CNTN5: variants seen among roughly 807,000 people sequenced by gnomAD.
The protein encoded by CNTN5 is contactin 5.
CNTN5 carries 77 observed loss-of-function variants against 129.1 expected under a neutral mutation model. The observed-to-expected ratio is 0.60, with a 90% CI of 0.50 to 0.72. CNTN5 has a LOEUF of 0.72. Ranked by LOEUF, CNTN5 falls within the 30% of genes least tolerant of loss-of-function variation. The pLI, the probability that CNTN5 is intolerant of heterozygous loss-of-function variation, is 0.00. For synonymous variants in CNTN5, 509 were observed against 465.6 expected (o/e 1.09, Z -1.20); for missense variants, 1,478 against 1,328.8 (o/e 1.11, Z -1.75).
chr11:99,892,336 T>C lies in CNTN5; in HGVS notation c.578-23718T>C, dbSNP rs182340959. ...GCAGAAGCTCTTTAGTTTAATTAGA[T>C]CCCGTTTGTCAATTTTGGCTTTTGT... On this transcript the variant is annotated intron_variant, in intron 6 of 24. Transcript: ENST00000524871. 7.2e-5 allele frequency among the ~76,000 whole-genome samples: 11 copies of C among 152,322 alleles called. No homozygotes were observed. The East Asian group carries it at 1.7e-3, about 24-fold the overall frequency.
intron 8 of CNTN5, among the ~76,000 whole-genome samples, chr11:99,977,732 G>A (rs1445257209): frequency 6.6e-6 from 1 of 152,118 alleles, no homozygotes; most frequent in African/African-American, 2.4e-5. Flanking sequence ...CTCTCATGAG[G>A]CCCCGCCTTC....
chr11:99,212,583 A>G (rs868834302), intron 1 of CNTN5, among the ~76,000 whole-genome samples: 8 of 152,022 alleles, frequency 5.3e-5, no homozygotes, highest in Admixed American at 1.3e-4. Context: ...CTTGTACATA[A>G]ACGGACCTCC....
chr11:99,500,129 AAAAAACAGAGGC>A (rs145340343), intron 2 of CNTN5, among the ~76,000 whole-genome samples: 38,944 of 151,250 alleles, frequency 0.26, 5,391 homozygotes, highest in East Asian at 0.43. Flanking sequence ...TTGATAATGA[AAAAAACAGAGGC>A]AAAACACACT....
intron 2 of CNTN5, among the ~76,000 whole-genome samples, chr11:99,524,781 C>T (rs959909641): frequency 6.7e-5 from 10 of 150,132 alleles, no homozygotes; most frequent in East Asian, 5.8e-4. Flanking sequence ...CCAGCCTGGG[C>T]GACAGAGCAA....
chr11:100,001,982 A>G (rs1939901871), intron 8 of CNTN5, 52 bp from the exon 9 acceptor site: 1 of 1,276,018 alleles, frequency 7.8e-7, no homozygotes, highest in Non-Finnish European at 1.1e-6. Flanking sequence ...CAGGATTAAG[A>G]AACAAATTGT....
chr11:99,601,578 A>G (rs1950312703), intron 3 of CNTN5, among the ~76,000 whole-genome samples: 1 of 152,230 alleles, frequency 6.6e-6, no homozygotes, highest in African/African-American at 2.4e-5. Context: ...ACCTCCTCAA[A>G]TTCATTATAC....
At chr11:100,093,174 C>G (rs1452577) in intron 13 of CNTN5, among the ~76,000 whole-genome samples, 14,118 of 152,124 alleles carry the variant, frequency 0.093, 839 homozygotes, top group East Asian at 0.18. Context: ...TCTGCTAGTT[C>G]AGCCCTCACA....
chr11:99,364,369 T>C (rs545889543), intron 2 of CNTN5, among the ~76,000 whole-genome samples: 4 of 152,132 alleles, frequency 2.6e-5, no homozygotes, highest in African/African-American at 7.2e-5. Flanking sequence ...TTTTGTAGCT[T>C]ATCTAACATA....
chr11:100,027,514 G>C (rs1941485501), intron 9 of CNTN5, among the ~76,000 whole-genome samples: 1 of 152,152 alleles, frequency 6.6e-6, no homozygotes. Context: ...TAAATTCTGA[G>C]CACTGGTCCT....
At chr11:99,519,636 A>T (rs1947196126) in intron 2 of CNTN5, among the ~76,000 whole-genome samples, 1 of 152,100 alleles carries the variant, frequency 6.6e-6, no homozygotes, top group African/African-American at 2.4e-5. Flanking sequence ...TTTATCATAT[A>T]TTAAAACAGT....
chr11:99,830,174 T>A (rs1591271451), intron 4 of CNTN5, among the ~76,000 whole-genome samples: 1 of 152,180 alleles, frequency 6.6e-6, no homozygotes, highest in East Asian at 1.9e-4. Context: ...ACTACAGTGC[T>A]GTTTTTGATG....
intron 20 of CNTN5, 24 bp downstream of exon 20, chr11:100,299,420 TTTTA>T: frequency 7.1e-7 from 1 of 1,415,508 alleles, no homozygotes; most frequent in Non-Finnish European, 9.8e-7. Context: ...TTCCTATTAT[TTTTA>T]TTTAACATTT....
At chr11:99,777,553 C>A (rs796911239) in intron 3 of CNTN5, among the ~76,000 whole-genome samples, 1 of 151,608 alleles carries the variant, frequency 6.6e-6, no homozygotes. Flanking sequence ...TACTTGAAAG[C>A]AATTTTATAT....
intron 3 of CNTN5, among the ~76,000 whole-genome samples, chr11:99,718,219 T>C (rs1210672515): frequency 6.6e-6 from 1 of 152,192 alleles, no homozygotes; most frequent in East Asian, 1.9e-4. Flanking sequence ...TATTATGTGT[T>C]CACTAATACA....
At chr11:99,344,529 A>G (rs919599147) in intron 2 of CNTN5, among the ~76,000 whole-genome samples, 28 of 152,344 alleles carry the variant, frequency 1.8e-4, no homozygotes, top group Non-Finnish European at 3.8e-4. Context: ...CTTTTGAAAA[A>G]TAGATATAAA....
At chr11:99,858,939 A>G (rs529567414) in intron 6 of CNTN5, among the ~76,000 whole-genome samples, 1 of 148,598 alleles carries the variant, frequency 6.7e-6, no homozygotes, top group South Asian at 2.2e-4. Context: ...TTGAACTTCA[A>G]AAAATCCTAC....
intron 2 of CNTN5, among the ~76,000 whole-genome samples, chr11:99,482,343 A>T (rs894130265): frequency 5.3e-5 from 8 of 152,210 alleles, no homozygotes; most frequent in Non-Finnish European, 1.2e-4. Context: ...ACATTGCTTT[A>T]AATGATAAAG....
intron 17 of CNTN5, among the ~76,000 whole-genome samples, chr11:100,258,252 G>T (rs929023861): frequency 6.6e-6 from 1 of 152,080 alleles, no homozygotes; most frequent in Non-Finnish European, 1.5e-5. Context: ...AGAATGAAAA[G>T]GAACAAACAA....
intron 1 of CNTN5, among the ~76,000 whole-genome samples, chr11:99,126,118 T>C (rs992737029): frequency 2.6e-5 from 4 of 152,204 alleles, no homozygotes; most frequent in Non-Finnish European, 2.9e-5. Context: ...GGATATTAAA[T>C]CTGTTTTTAA....
Sources: allele counts gnomAD v4.1 joint callset (sites outside exome capture counted in the v4.1 genomes callset), GRCh38; gene constraint gnomAD v4.1.1; transcripts MANE v1.5; gene names NCBI Gene and HGNC (gene_info 2026-07-23, HGNC 2026-07-21).